SLIT2: variants seen among roughly 807,000 people sequenced by gnomAD.
The protein encoded by SLIT2 is slit guidance ligand 2.
SLIT2 carries 41 observed loss-of-function variants against 185.7 expected under a neutral mutation model. The observed-to-expected ratio is 0.22, with a 90% confidence interval of 0.17 to 0.29. SLIT2 has a LOEUF of 0.29. Ranked by LOEUF, SLIT2 falls within the 10% of genes least tolerant of loss-of-function variation. The pLI, the probability that SLIT2 is intolerant of heterozygous loss-of-function variation, is 1.00. For synonymous variants in SLIT2, 693 were observed against 680.2 expected (o/e 1.02, Z -0.29); for missense variants, 1,571 against 1,909.0 (o/e 0.82, Z 3.30).
intron 9 of SLIT2, among the ~76,000 whole-genome samples, chr4:20,503,141 T>G (rs1486913321): frequency 6.6e-6 from 1 of 152,154 alleles, no homozygotes; most frequent in East Asian, 1.9e-4. Context: ...AGCAATTATG[T>G]TATAGATTGA....
chr4:20,435,958 A>C (rs1013044709), intron 4 of SLIT2, among the ~76,000 whole-genome samples: 8 of 152,206 alleles, frequency 5.3e-5, no homozygotes, highest in Non-Finnish European at 1.2e-4. Flanking sequence ...GTTGAATACA[A>C]GATAGTTTTT....
At chr4:20,322,081 T>G (rs1719138859) in intron 4 of SLIT2, among the ~76,000 whole-genome samples, 1 of 152,194 alleles carries the variant, frequency 6.6e-6, no homozygotes. Context: ...TTCAGCATCC[T>G]ACTCAGTACA....
Position 20,613,694 on chromosome 4 carries a change from T to A in SLIT2, c.3848-3216T>A, listed in dbSNP as rs531226859. ...CCCTCATATACCCCTGAACTTAAGA[T>A]AAAAGTTAAAAAACAAAACAAAAAA... On this transcript the variant is annotated intron_variant, in intron 34 of 36. Coordinates refer to ENST00000504154, the MANE Select transcript of SLIT2 (RefSeq NM_004787.4). Among the ~76,000 whole-genome samples the A allele has an allele frequency of 8.5e-4, 129 of 152,018 alleles. 2 individuals carry two copies. Among genetic ancestry groups the A allele is most frequent in the Admixed American group, 3.1e-3 (48 of 15,256 alleles).
At chr4:20,502,315 A>G (rs866227051) in intron 9 of SLIT2, among the ~76,000 whole-genome samples, 20 of 152,220 alleles carry the variant, frequency 1.3e-4, no homozygotes, top group African/African-American at 4.8e-4. Flanking sequence ...CAAGGAATCT[A>G]GTGAGTACTA....
intron 18 of SLIT2, among the ~76,000 whole-genome samples, chr4:20,538,779 C>T (rs9995631): frequency 2.3e-3 from 191 of 84,440 alleles, no homozygotes; most frequent in African/African-American, 7.4e-3. Flanking sequence ...ATGACAATGA[C>T]TAAAAAAAAA....
intron 4 of SLIT2, among the ~76,000 whole-genome samples, chr4:20,325,072 C>A (rs187102428): frequency 2.0e-5 from 3 of 152,024 alleles, no homozygotes; most frequent in Admixed American, 6.6e-5. Context: ...TTTGCTTTCT[C>A]TTTTCTTCCT....
chr4:20,409,542 G>T (rs1022713971), intron 4 of SLIT2, among the ~76,000 whole-genome samples: 1 of 152,144 alleles, frequency 6.6e-6, no homozygotes, highest in African/African-American at 2.4e-5. Flanking sequence ...ACATGTGCAT[G>T]TATCTTTATA....
At chr4:20,268,296 G>A (rs1236866077) in intron 3 of SLIT2, among the ~76,000 whole-genome samples, 1 of 151,492 alleles carries the variant, frequency 6.6e-6, no homozygotes. Flanking sequence ...GTATTCTCCT[G>A]ATTTTGCCTA....
chr4:20,617,348 T>A, intron 35 of SLIT2, 91 bp from the exon 36 acceptor site: 3 of 1,412,562 alleles, frequency 2.1e-6, no homozygotes, highest in Non-Finnish European at 2.9e-6. Flanking sequence ...CCTCATATTT[T>A]CTCAATCATC....
At chr4:20,454,035 G>A (rs927004137) in intron 4 of SLIT2, among the ~76,000 whole-genome samples, 1 of 152,172 alleles carries the variant, frequency 6.6e-6, no homozygotes, top group Non-Finnish European at 1.5e-5. Context: ...ACATTGAAAT[G>A]TACTAATTTC....
At chr4:20,462,388 T>C (rs569464376) in intron 4 of SLIT2, among the ~76,000 whole-genome samples, 2 of 152,330 alleles carry the variant, frequency 1.3e-5, no homozygotes, top group South Asian at 4.2e-4. Flanking sequence ...TTGTCTTCAA[T>C]CCTAACTCTC....
chr4:20,271,508 G>A (rs1713610024), intron 4 of SLIT2, among the ~76,000 whole-genome samples: 1 of 129,400 alleles, frequency 7.7e-6, no homozygotes, highest in Non-Finnish European at 1.7e-5. Flanking sequence ...TATATATATA[G>A]CAAGCCATAG....
chr4:20,591,285 AT>A (rs2148950920), intron 30 of SLIT2, among the ~76,000 whole-genome samples: 1 of 152,286 alleles, frequency 6.6e-6, no homozygotes, highest in African/African-American at 2.4e-5. Flanking sequence ...TTGCTAAGAT[AT>A]TTGTACTTAC....
chr4:20,468,591 CA>C, intron 5 of SLIT2, among the ~76,000 whole-genome samples: 1 of 151,986 alleles, frequency 6.6e-6, no homozygotes, highest in East Asian at 1.9e-4. Context: ...ATCTCAGTGA[CA>C]ATCATAATAT....
intron 11 of SLIT2, among the ~76,000 whole-genome samples, chr4:20,511,523 G>A (rs1719715837): frequency 7.1e-6 from 1 of 141,266 alleles, no homozygotes; most frequent in Non-Finnish European, 1.5e-5. Context: ...CTGGGTTCAT[G>A]CCATTCTCCT....
chr4:20,459,301 C>T (rs913122049), intron 4 of SLIT2, among the ~76,000 whole-genome samples: 29 of 152,212 alleles, frequency 1.9e-4, no homozygotes, highest in African/African-American at 6.0e-4. Flanking sequence ...CAAGAAGCAA[C>T]AGTCAAGGTG....
chr4:20,617,799 T>G, intron 36 of SLIT2, 149 bp downstream of exon 36: 1 of 617,846 alleles, frequency 1.6e-6, no homozygotes, highest in South Asian at 2.0e-5. Context: ...GAATACTAGG[T>G]CTTCTCACTA....
intron 5 of SLIT2, among the ~76,000 whole-genome samples, chr4:20,479,465 C>G (rs1253075276): frequency 6.6e-6 from 1 of 152,128 alleles, no homozygotes; most frequent in Non-Finnish European, 1.5e-5. Flanking sequence ...TAATCTTACT[C>G]CTGTTCATCC....
chr4:20,464,873 T>A (rs945409066), intron 4 of SLIT2, among the ~76,000 whole-genome samples: 2 of 152,196 alleles, frequency 1.3e-5, no homozygotes, highest in Admixed American at 1.3e-4. Context: ...TCCTTCTGTT[T>A]GATATTCGCC....
Sources: allele counts gnomAD v4.1 joint callset (sites outside exome capture counted in the v4.1 genomes callset), GRCh38; gene constraint gnomAD v4.1.1; transcripts MANE v1.5; gene names NCBI Gene and HGNC (gene_info 2026-07-23, HGNC 2026-07-21).